Variants in FAM161A observed in about 807,000 individuals in gnomAD.
The protein encoded by FAM161A is protein FAM161A.
FAM161A carries 57 observed loss-of-function variants against 70.9 expected under a neutral mutation model. The ratio of observed to expected loss-of-function variants is 0.80; its 90% CI spans 0.65 to 1.00. The LOEUF (loss-of-function observed/expected upper bound fraction) is 1.00, where lower values mean the gene tolerates loss of function less well. FAM161A is among the 50% of genes least tolerant of loss of function. The pLI is 0.00. For missense variants in FAM161A, 880 were observed against 836.0 expected, an observed-to-expected ratio of 1.05 and a Z score of -0.65; for synonymous variants, 299 against 295.7, an observed-to-expected ratio of 1.01 and a Z score of -0.12.
At chr2:61,830,683 CAAAAAA>C (rs10633119) in intron 5 of FAM161A, among the ~76,000 whole-genome samples, 1 of 82,122 alleles carries the variant, frequency 1.2e-5, no homozygotes, top group Non-Finnish European at 2.2e-5. Context: ...GACCCTGTCT[CAAAAAA>C]AAAAAAAAAA....
chr2:61,817,174 A>G, the FAM161A span, among the ~76,000 whole-genome samples: 48 of 152,356 alleles, frequency 3.2e-4, no homozygotes, highest in African/African-American at 1.1e-3. Flanking sequence ...CTTTCTTCGC[A>G]TGGAATTTGG....
chr2:61,824,290 G>A (rs1672277609), downstream of FAM161A, among the ~76,000 whole-genome samples: 1 of 149,538 alleles, frequency 6.7e-6, no homozygotes, highest in African/African-American at 2.5e-5. Context: ...CACCCATCTC[G>A]GCCTCCCAAA....
chr2:61,835,637 C>T (rs996617325), intron 5 of FAM161A: 7 of 166,750 alleles, frequency 4.2e-5, no homozygotes, highest in African/African-American at 7.2e-5. Context: ...AATTATTTTA[C>T]GAACTACTGG....
chr2:61,840,351 C>A lies in FAM161A; in HGVS notation c.653G>T (p.Gly218Val). Residue 218 changes from glycine to valine, a missense_variant, in exon 3 of 7, where the codon GGC becomes GTC. By Grantham distance (109) the Gly-to-Val change is moderately radical. Transcript: ENST00000404929. The part of the protein sequence containing the change: ...VEDYIRCKDT[G>V]FHAAEKRRKK... Reference sequence around the variant, plus strand: ...CCTTCTTTTTTCAGCTGCATGGAAGCCAGTATCTTTACAGCGAATATAATC... The same window carrying A: ...CCTTCTTTTTTCAGCTGCATGGAAGACAGTATCTTTACAGCGAATATAATC... 6.2e-7 allele frequency: 1 copy of A among 1,614,182 alleles called. No homozygotes were observed. Among genetic ancestry groups the A allele is most frequent in the Non-Finnish European group, 8.5e-7 (1 of 1,180,034 alleles).
At chr2:61,835,614 A>C (rs1019122390) in intron 5 of FAM161A, 1 of 165,444 alleles carries the variant, frequency 6.0e-6, no homozygotes, top group African/African-American at 2.4e-5. Context: ...AGCCATTAGA[A>C]AACAGCTTGC....
At chr2:61,812,548 C>A in the FAM161A span, among the ~76,000 whole-genome samples, 2 of 151,450 alleles carry the variant, frequency 1.3e-5, no homozygotes, top group Non-Finnish European at 2.9e-5. Flanking sequence ...ATGGTGAAAT[C>A]CCGTCTACAC....
the FAM161A span, among the ~76,000 whole-genome samples, chr2:61,801,606 A>T: frequency 1.4e-5 from 2 of 147,200 alleles, no homozygotes; most frequent in South Asian, 4.2e-4. Flanking sequence ...CGCTCTTGTC[A>T]CCCAGGCTGG....
the FAM161A span, among the ~76,000 whole-genome samples, chr2:61,808,833 A>G: frequency 6.6e-6 from 1 of 152,258 alleles, no homozygotes; most frequent in South Asian, 2.1e-4. Flanking sequence ...GGAGAAGACC[A>G]GAAAGACCCA....
In FAM161A at chr2:61,828,345, T is replaced by TC. The variant is rs1672452303; in HGVS notation, c.1852-1088_1852-1087insG. 2.6e-5 allele frequency among the ~76,000 whole-genome samples: 4 copies of TC among 152,036 alleles called. No individual in the cohort carries two copies. In the South Asian group the frequency reaches 8.3e-4, roughly 32 times the overall value. On this transcript the variant is annotated intron_variant, in intron 5 of 6. Transcript: ENST00000404929. ...CAGAGGATTCTTTTTCCTTTTTTTT[T>TC]TGAAAAAGGGTCTTGCTCTGTCACC...
At chr2:61,848,458 A>G (rs1673310769) in intron 1 of FAM161A, among the ~76,000 whole-genome samples, 1 of 152,074 alleles carries the variant, frequency 6.6e-6, no homozygotes, top group African/African-American at 2.4e-5. Flanking sequence ...TAGGCCATAG[A>G]CATTATTTTT....
chr2:61,810,109 A>T, the FAM161A span, among the ~76,000 whole-genome samples: 1 of 152,204 alleles, frequency 6.6e-6, no homozygotes, highest in Non-Finnish European at 1.5e-5. Context: ...CCACAGAATC[A>T]TGAGCAAAAA....
At chr2:61,834,290 G>A (rs1192085868) in intron 5 of FAM161A, among the ~76,000 whole-genome samples, 1 of 152,078 alleles carries the variant, frequency 6.6e-6, no homozygotes, top group African/African-American at 2.4e-5. Flanking sequence ...TTACAAGTGG[G>A]AACTAAACAC....
chr2:61,820,176 T>TA, downstream of FAM161A: 1 of 518,486 alleles, frequency 1.9e-6, no homozygotes, highest in South Asian at 2.6e-5. Flanking sequence ...GAAGCATCAT[T>TA]AAAATCTCTC....
chr2:61,851,756 C>T (rs555723364), intron 1 of FAM161A, among the ~76,000 whole-genome samples: 4 of 115,360 alleles, frequency 3.5e-5, no homozygotes, highest in Non-Finnish European at 5.0e-5. Context: ...AAGGGGGGTG[C>T]GTGTGTATGC....
chr2:61,825,199 AT>A lies in FAM161A; in HGVS notation c.*1255del. On this transcript the variant is annotated 3_prime_UTR_variant, in exon 7 of 7. Transcript: ENST00000404929. ...ATATTATCTTTATGATTGGCTTCAA[AT>A]TTTAAAACAAAAATTTGCTTAAAGA... 2.3e-6 allele frequency: 1 copy of A among 436,350 alleles called. No homozygotes were observed. 27.0% of individuals were successfully genotyped at this position (436,350 alleles called of 1,614,324 possible). A position where few individuals can be genotyped will look rare whatever the true frequency, so the allele number is the denominator to read the frequency against.
chr2:61,846,333 G>A lies in FAM161A; in HGVS notation c.184-3973C>T, dbSNP rs186269974. Among the ~76,000 whole-genome samples the A allele has an allele frequency of 3.7e-3, 556 of 152,142 alleles. 2 individuals carry two copies. The highest frequency in any genetic ancestry group is 5.7e-3 in the Non-Finnish European group (389 of 67,988). Reference sequence around the variant, plus strand: ...GGGAGGTTAGGGCAAGCAAGAAGGGGTTTCCATCTCCTGCCTACCACTGGC... The same window carrying A: ...GGGAGGTTAGGGCAAGCAAGAAGGGATTTCCATCTCCTGCCTACCACTGGC... On this transcript the variant is annotated intron_variant, in intron 1 of 6. Coordinates refer to ENST00000404929, the MANE Select transcript of FAM161A (RefSeq NM_001201543.2).
chr2:61,804,768 G>GAAAGAAAGAAAGAAAGAA, the FAM161A span, among the ~76,000 whole-genome samples: 153 of 119,038 alleles, frequency 1.3e-3, 2 homozygotes, highest in Middle Eastern at 7.7e-3. Flanking sequence ...GAAAAAGAAA[G>GAAAGAAAGAAAGAAAGAA]AGAAAGAAAG....
At chr2:61,801,861 T>C in the FAM161A span, among the ~76,000 whole-genome samples, 39 of 152,206 alleles carry the variant, frequency 2.6e-4, no homozygotes, top group African/African-American at 9.4e-4. Context: ...GTGCCCGGCT[T>C]GAATAATGTT....
At chr2:61,804,661 G>A in the FAM161A span, among the ~76,000 whole-genome samples, 7 of 150,876 alleles carry the variant, frequency 4.6e-5, no homozygotes, top group Non-Finnish European at 8.8e-5. Flanking sequence ...CTCCAGCCTG[G>A]GCGAAAGAGT....
Sources: gnomAD v4.1 joint callset for allele counts (sites outside exome capture counted in the v4.1 genomes callset) on GRCh38, gnomAD v4.1.1 for gene constraint, MANE v1.5 for transcripts, NCBI Gene and HGNC (gene_info 2026-07-23, HGNC 2026-07-21) for gene names.